The following EHMT2 variants were observed in gnomAD, a reference collection of about 807,000 sequenced individuals.
The protein encoded by EHMT2 is histone-lysine N-methyltransferase EHMT2.
EHMT2 carries 59 observed loss-of-function variants against 143.3 expected under a neutral mutation model. The ratio of observed to expected loss-of-function variants is 0.41; its 90% CI spans 0.33 to 0.51. EHMT2 has a LOEUF of 0.51. Among genes scored for constraint, EHMT2 ranks in the 20% least tolerant of loss-of-function variants. The pLI, the probability that EHMT2 is intolerant of heterozygous loss-of-function variation, is 0.18. For synonymous variants in EHMT2, 604 were observed against 651.5 expected (o/e 0.93, Z 1.11); for missense variants, 1,174 against 1,645.9 (o/e 0.71, Z 4.96).
chr6:31,879,990 C>T, exon 28 of EHMT2: 1 of 1,392,576 alleles, frequency 7.2e-7, no homozygotes. Flanking sequence ...GAGAAGATGG[C>T]AGCACCCCCA....
rs3869145 is a variant in EHMT2 at position 31,883,577 on chromosome 6, G to A, written c.2917-138C>T. 38,447 of 1,024,516 alleles carry A rather than the reference G, an allele frequency of 0.038. 1,066 individuals are homozygous for A. Among genetic ancestry groups the A allele is most frequent in the East Asian group, 0.08 (3,117 of 38,998 alleles). The allele number at this position is 1,024,516 out of a possible 1,614,324, so 63.5% of individuals were successfully genotyped here. On this transcript the variant is annotated intron_variant, in intron 22 of 27. Transcript: ENST00000375537. This position sits in a 1 kb window ranked among gnomAD's most constrained non-coding sequence, Gnocchi z 5.6. Reference sequence around the variant, plus strand: ...AACAGTGGGTGGTGATGGTCCTAGGGTGACGGGTAATCAGTATGGTGGTGT... The same window carrying A: ...AACAGTGGGTGGTGATGGTCCTAGGATGACGGGTAATCAGTATGGTGGTGT...
At position 31,888,069 on chromosome 6, in the gene EHMT2, G is replaced by T; in HGVS notation, c.1717C>A (p.Pro573Thr). The T allele has an allele frequency of 6.3e-7, 1 of 1,599,878 alleles. No individual in the cohort carries two copies. The highest frequency in any genetic ancestry group is 1.1e-5 in the South Asian group (1 of 89,380). Reference sequence around the variant, plus strand: ...GGCTGAGAAGTGTCTGCTCTCCCGGGGACATCCTGGGACAGGGGTGGGGGT... The same window carrying T: ...GGCTGAGAAGTGTCTGCTCTCCCGGTGACATCCTGGGACAGGGGTGGGGGT... The change falls in exon 13 of 28, where the codon CCC becomes ACC. Residue 573 changes from proline to threonine, a missense_variant. This residue lies in a region of EHMT2 where 608 missense variants were observed against 903.7 expected (regional missense o/e 0.67). Coordinates refer to ENST00000375537, the Ensembl canonical transcript of EHMT2. The surrounding 1 kb of genome is among the most constrained non-coding windows in gnomAD (Gnocchi z 7.4).
At chr6:31,896,326 G>C (rs1766418589) in exon 4 of EHMT2, 1 of 1,612,864 alleles carries the variant, frequency 6.2e-7, no homozygotes, top group African/African-American at 1.3e-5. Flanking sequence ...GTCCCTCTGG[G>C]CTCGTGGTGG....
chr6:31,889,730 G>T lies in EHMT2; in HGVS notation c.865-128C>A. 1.7e-6 allele frequency: 2 copies of T among 1,199,024 alleles called. No homozygotes were observed. Among genetic ancestry groups the T allele is most frequent in the South Asian group, 1.3e-5 (1 of 77,922 alleles). 74.3% of individuals were successfully genotyped at this position (1,199,024 alleles called of 1,614,324 possible). ...TGGCTGCTGGGGATAAGTGTGGGTAGCAGAGGAGACAAAGGGCCACATAAA... is the reference window on the plus strand; with the variant it reads ...TGGCTGCTGGGGATAAGTGTGGGTATCAGAGGAGACAAAGGGCCACATAAA... On this transcript the variant is annotated intron_variant, in intron 7 of 27. Coordinates refer to ENST00000375537, the Ensembl canonical transcript of EHMT2. The surrounding 1 kb of genome is among the most constrained non-coding windows in gnomAD (Gnocchi z 5.1).
chr6:31,886,437 A>G (rs1764853314), intron 18 of EHMT2, 144 bp downstream of exon 18: 7 of 647,426 alleles, frequency 1.1e-5, no homozygotes, highest in Non-Finnish European at 1.8e-5. Context: ...ATGAAGAGAA[A>G]TACAAATGAG....
chr6:31,889,398 C>A lies in EHMT2; in HGVS notation c.1000-56G>T. On this transcript the variant is annotated intron_variant, in intron 8 of 27. Coordinates refer to ENST00000375537, the Ensembl canonical transcript of EHMT2. This position sits in a 1 kb window ranked among gnomAD's most constrained non-coding sequence, Gnocchi z 5.1. ...CCCTCACCCCCAGGGGCCCCCCCAA[C>A]ACCTTCAGGACCAGACCTCCAGCCC... 1 of 1,608,710 alleles carries A rather than the reference C, an allele frequency of 6.2e-7. No individual in the cohort carries two copies. The highest frequency in any genetic ancestry group is 8.5e-7 in the Non-Finnish European group (1 of 1,177,994).
At chr6:31,896,173 G>T (rs941574649) in intron 4 of EHMT2, 90 bp downstream of exon 4, 1 of 1,504,818 alleles carries the variant, frequency 6.6e-7, no homozygotes, top group South Asian at 1.3e-5. Context: ...ATATGTGAAT[G>T]AGTAAATGGA....
Position 31,886,580 on chromosome 6 carries a change from C to T in EHMT2, c.2343+1G>A. On this transcript the variant is annotated splice_donor_variant, in intron 18 of 27. Transcript: ENST00000375537. LOFTEE classifies it high-confidence loss of function. ...GGGGCTGGGCTGGGTGGGCCGCTGA[C>T]CTGGGCGTTGACGTCCACCTGTCCT... 1.2e-6 allele frequency: 2 copies of T among 1,610,894 alleles called. No homozygotes were observed. Among genetic ancestry groups the T allele is most frequent in the Non-Finnish European group, 1.7e-6 (2 of 1,178,708 alleles).
At chr6:31,897,030 G>A (rs773478989) in intron 1 of EHMT2, 41 bp from the exon 2 acceptor site, 6 of 1,526,324 alleles carry the variant, frequency 3.9e-6, no homozygotes, top group Middle Eastern at 1.8e-4. Context: ...GGTCAGCCCA[G>A]TAGAGAGTTG....
chr6:31,887,034 G>A, exon 16 of EHMT2: 1 of 1,613,800 alleles, frequency 6.2e-7, no homozygotes. Context: ...AGCCCTTCTG[G>A]GCGGCTGCAT....
chr6:31,893,011 TC>T, intron 4 of EHMT2, 101 bp from the exon 5 acceptor site: 1 of 687,744 alleles, frequency 1.5e-6, no homozygotes. Context: ...GAGCCACACC[TC>T]CAAATGCCAT....
At chr6:31,882,665 C>T (rs376263679) in intron 25 of EHMT2, 34 bp downstream of exon 25, 1 of 1,590,078 alleles carries the variant, frequency 6.3e-7, no homozygotes, top group Non-Finnish European at 8.6e-7. Flanking sequence ...GTATCCCCTT[C>T]CCACCAGGTG....
At position 31,892,520 on chromosome 6, in the gene EHMT2, G is replaced by C. The variant is rs141789379; in HGVS notation, c.751C>G (p.Leu251Val). 33 of 1,613,008 alleles carry C rather than the reference G, an allele frequency of 2.0e-5. No individual in the cohort carries two copies. The highest frequency in any genetic ancestry group is 2.8e-5 in the Non-Finnish European group (33 of 1,180,000). Reference sequence around the variant, plus strand: ...AGGGACCCGGGGTCCCCTTTCGTCAGGGTCACTTCTCCTGAACGCCGGGCA... The same window carrying C: ...AGGGACCCGGGGTCCCCTTTCGTCACGGTCACTTCTCCTGAACGCCGGGCA... Residue 251 changes from leucine to valine, a missense_variant, in exon 7 of 28, where the codon CTG (leucine) becomes GTG (valine). Around this residue, in one of 6 missense-constraint regions of EHMT2, gnomAD observed 399 missense variants for 404.4 expected, o/e 0.99. Transcript: ENST00000375537.
intron 18 of EHMT2, 187 bp from the exon 19 acceptor site, chr6:31,885,203 C>T (rs1362929638): frequency 1.2e-5 from 9 of 720,396 alleles, no homozygotes; most frequent in African/African-American, 3.6e-5. Context: ...TAGGGTCGGG[C>T]GCGGTGGCTC....
In EHMT2 at chr6:31,881,546, A is replaced by T; in HGVS notation, c.3198-454T>A. The T allele has an allele frequency of 4.3e-6, 1 of 232,242 alleles. No individual in the cohort carries two copies. The highest frequency in any genetic ancestry group is 8.7e-6 in the Non-Finnish European group (1 of 114,614). The allele number at this position is 232,242 out of a possible 1,614,324, so 14.4% of individuals were successfully genotyped here. A position where few individuals can be genotyped will look rare whatever the true frequency, so the allele number is the denominator to read the frequency against. ...GGACACCAGAGGGAGGAGAGGAGCC[A>T]GCTATCTAAGGAGGGTGAGCAGACA... On this transcript the variant is annotated intron_variant, in intron 25 of 27. Coordinates refer to ENST00000375537, the Ensembl canonical transcript of EHMT2. The surrounding 1 kb of genome is among the most constrained non-coding windows in gnomAD (Gnocchi z 4.8).
At chr6:31,895,154 G>A (rs899447549) in intron 4 of EHMT2, among the ~76,000 whole-genome samples, 4 of 152,226 alleles carry the variant, frequency 2.6e-5, no homozygotes, top group African/African-American at 4.8e-5. Context: ...TCAGCGAGAA[G>A]TCAGCATGGA....
intron 4 of EHMT2, chr6:31,893,480 A>C: frequency 2.7e-6 from 1 of 367,560 alleles, no homozygotes; most frequent in Non-Finnish European, 5.4e-6. Context: ...ACAATGCCTA[A>C]CTAATGTCTT....
At position 31,884,208 on chromosome 6, in the gene EHMT2, G is replaced by A. The variant is rs1764500131; in HGVS notation, c.2771+184C>T. The A allele has an allele frequency of 5.4e-6, 4 of 746,698 alleles. No homozygotes were observed. The East Asian group carries it at 1.1e-4, about 20-fold the overall frequency. 46.3% of individuals were successfully genotyped at this position (746,698 alleles called of 1,614,324 possible). Reference sequence around the variant, plus strand: ...TGCATCTGAAATTCCAGTTTAACTGGGTGTCTTCTATTTTTATTTGCTGTA... The same window carrying A: ...TGCATCTGAAATTCCAGTTTAACTGAGTGTCTTCTATTTTTATTTGCTGTA... On this transcript the variant is annotated intron_variant, in intron 21 of 27. Transcript: ENST00000375537. The surrounding 1 kb of genome is among the most constrained non-coding windows in gnomAD (Gnocchi z 7.3).
In EHMT2 at chr6:31,883,539, G is replaced by A. The variant is rs1045520214; in HGVS notation, c.2917-100C>T. 6 of 1,277,328 alleles carry A rather than the reference G, an allele frequency of 4.7e-6. No homozygotes were observed. The African/African-American group carries it at 7.4e-5, about 16-fold the overall frequency. 79.1% of individuals were successfully genotyped at this position (1,277,328 alleles called of 1,614,324 possible). A position where few individuals can be genotyped will look rare whatever the true frequency, so the allele number is the denominator to read the frequency against. On this transcript the variant is annotated intron_variant, in intron 22 of 27. Coordinates refer to ENST00000375537, the Ensembl canonical transcript of EHMT2. The surrounding 1 kb of genome is among the most constrained non-coding windows in gnomAD (Gnocchi z 5.6). ...CCCTAACCACTGTCCTTTCTTTGGG[G>A]TCCATGTGTTACAACAGTGGGTGGT...
Sources: allele counts gnomAD v4.1 joint callset (sites outside exome capture counted in the v4.1 genomes callset), GRCh38; gene constraint gnomAD v4.1.1; regional missense constraint gnomAD v4.1.1; non-coding constraint Gnocchi (gnomAD v3.1); transcripts MANE v1.5; gene names NCBI Gene and HGNC (gene_info 2026-07-23, HGNC 2026-07-21).